Variants in TEC observed in about 807,000 individuals in gnomAD.
The protein encoded by TEC is tec protein tyrosine kinase.
Under a neutral mutation model 93.0 loss-of-function variants are expected in TEC, and 72 were observed. The ratio of observed to expected loss-of-function variants is 0.77; its 90% CI spans 0.64 to 0.94. The LOEUF (loss-of-function observed/expected upper bound fraction) is 0.94, where lower values mean the gene tolerates loss of function less well. Ranked by LOEUF, TEC falls within the 40% of genes least tolerant of loss-of-function variation. The pLI is 0.00. For missense variants in TEC, 630 were observed against 757.9 expected (o/e 0.83, Z 1.98); for synonymous variants, 249 against 247.7 (o/e 1.01, Z -0.05).
chr4:48,144,128 T>C (rs539772150), intron 14 of TEC, among the ~76,000 whole-genome samples: 9 of 152,176 alleles, frequency 5.9e-5, no homozygotes, highest in Non-Finnish European at 1.2e-4. Flanking sequence ...GGCAGGAGGA[T>C]CGCTTGAACC....
At chr4:48,149,792 C>T (rs1359617506) in intron 10 of TEC, 102 bp from the exon 11 acceptor site, 8 of 1,124,742 alleles carry the variant, frequency 7.1e-6, no homozygotes, top group Non-Finnish European at 9.6e-6. Flanking sequence ...TCCATATGAT[C>T]CCATCTATTC....
rs149746648 is a variant in TEC, at chr4:48,139,876, C to T, written c.1536-854G>A. Among the ~76,000 whole-genome samples the T allele has an allele frequency of 2.9e-3, 436 of 152,342 alleles. 4 individuals are homozygous for T. Among genetic ancestry groups the T allele is most frequent in the African/African-American group, 0.01 (417 of 41,574 alleles). On this transcript the variant is annotated intron_variant, in intron 15 of 17. Transcript: ENST00000381501. ...TGCTATGTAGACAAAGATGGTGACT[C>T]GGCACAAAGCCAGCTGCTGGCTGGC...
intron 8 of TEC, among the ~76,000 whole-genome samples, chr4:48,163,458 A>C (rs1720754618): frequency 6.6e-6 from 1 of 152,198 alleles, no homozygotes; most frequent in African/African-American, 2.4e-5. Flanking sequence ...AATCAATTCA[A>C]TTATGCTTAT....
chr4:48,214,655 C>T (rs1043939946), intron 2 of TEC, among the ~76,000 whole-genome samples: 1 of 151,926 alleles, frequency 6.6e-6, no homozygotes, highest in Admixed American at 6.6e-5. Context: ...ATTTTGAGAC[C>T]AGCCTAGGCA....
rs1719462074 is a variant in TEC, at chr4:48,137,239, G to A, written c.*177C>T. On this transcript the variant is annotated 3_prime_UTR_variant, in exon 18 of 18. Transcript: ENST00000381501. ...TTCTAAGGCAACATTTCCACACTCT[G>A]GGAGATTCTGTCTAGAAGCAAGTCT... The A allele has an allele frequency of 1.7e-6, 1 of 591,076 alleles. No individual in the cohort carries two copies. Among genetic ancestry groups the A allele is most frequent in the African/African-American group, 1.9e-5 (1 of 53,130 alleles). 36.6% of individuals were successfully genotyped at this position (591,076 alleles called of 1,614,324 possible).
At chr4:48,236,092 G>A (rs1396228853) in intron 1 of TEC, among the ~76,000 whole-genome samples, 5 of 152,126 alleles carry the variant, frequency 3.3e-5, no homozygotes, top group Non-Finnish European at 5.9e-5. Context: ...GATTTCAACA[G>A]AGATAGCCTA....
chr4:48,209,859 A>C (rs1722838687), intron 2 of TEC, among the ~76,000 whole-genome samples: 1 of 152,172 alleles, frequency 6.6e-6, no homozygotes, highest in Non-Finnish European at 1.5e-5. Context: ...ACATAAACCA[A>C]TTGTAAACAT....
chr4:48,185,692 G>A (rs1389378549), intron 2 of TEC, among the ~76,000 whole-genome samples: 3 of 152,090 alleles, frequency 2.0e-5, no homozygotes, highest in Non-Finnish European at 2.9e-5. Flanking sequence ...CATAAGCATG[G>A]CATAATTTTA....
At chr4:48,163,177 T>G (rs893956505) in intron 8 of TEC, among the ~76,000 whole-genome samples, 1 of 152,168 alleles carries the variant, frequency 6.6e-6, no homozygotes, top group Non-Finnish European at 1.5e-5. Context: ...CAGTAAATAT[T>G]TAATAAATTT....
At chr4:48,145,382 G>A (rs984973178) in intron 13 of TEC, 26 bp downstream of exon 13, 1 of 1,613,214 alleles carries the variant, frequency 6.2e-7, no homozygotes, top group African/African-American at 1.3e-5. Context: ...ACAAAAAGAT[G>A]AGCCAGAAAG....
At chr4:48,199,430 C>G (rs902458023) in intron 2 of TEC, among the ~76,000 whole-genome samples, 1 of 143,348 alleles carries the variant, frequency 7.0e-6, no homozygotes, top group East Asian at 2.1e-4. Flanking sequence ...GCACTCCAGT[C>G]TGGGCTACAG....
At chr4:48,264,965 C>T (rs1382851804) in intron 1 of TEC, among the ~76,000 whole-genome samples, 1 of 152,048 alleles carries the variant, frequency 6.6e-6, no homozygotes, top group Non-Finnish European at 1.5e-5. Flanking sequence ...TTTAATCCCC[C>T]TCTGAAGTGT....
At chr4:48,232,249 A>G (rs1475535750) in intron 1 of TEC, among the ~76,000 whole-genome samples, 2 of 152,114 alleles carry the variant, frequency 1.3e-5, no homozygotes, top group Non-Finnish European at 2.9e-5. Flanking sequence ...AGATCACGCC[A>G]TTGTGCTACA....
intron 2 of TEC, among the ~76,000 whole-genome samples, chr4:48,183,125 G>C (rs1343155663): frequency 6.6e-6 from 1 of 152,166 alleles, no homozygotes; most frequent in African/African-American, 2.4e-5. Context: ...ATGAGCTTTG[G>C]AGACAAGCAG....
chr4:48,209,060 G>A (rs1722807542), intron 2 of TEC, among the ~76,000 whole-genome samples: 2 of 152,026 alleles, frequency 1.3e-5, no homozygotes, highest in African/African-American at 4.8e-5. Flanking sequence ...AAGGTTACTG[G>A]GTAGATATAT....
intron 4 of TEC, 61 bp from the exon 5 acceptor site, chr4:48,170,437 T>C: frequency 5.3e-6 from 6 of 1,136,542 alleles, no homozygotes; most frequent in East Asian, 2.5e-5. Context: ...GAATGTTTCA[T>C]AAATAACAGT....
intron 1 of TEC, among the ~76,000 whole-genome samples, chr4:48,256,581 C>T (rs12501146): frequency 0.41 from 53,013 of 128,346 alleles, 11,007 homozygotes; most frequent in Non-Finnish European, 0.48. Context: ...GGCAACAGAG[C>T]GAGACCTTGT....
intron 2 of TEC, among the ~76,000 whole-genome samples, chr4:48,189,935 C>G (rs1263333011): frequency 6.6e-6 from 1 of 152,066 alleles, no homozygotes; most frequent in Non-Finnish European, 1.5e-5. Context: ...ACAGAAAGGA[C>G]TCCCACTTTG....
chr4:48,162,544 C>T (rs1720717620), intron 8 of TEC, among the ~76,000 whole-genome samples: 1 of 152,190 alleles, frequency 6.6e-6, no homozygotes, highest in Non-Finnish European at 1.5e-5. Context: ...AGCACCTTCC[C>T]TAATTCTAAG....
Sources: allele counts gnomAD v4.1 joint callset (sites outside exome capture counted in the v4.1 genomes callset), GRCh38; gene constraint gnomAD v4.1.1; transcripts MANE v1.5; gene names NCBI Gene and HGNC (gene_info 2026-07-23, HGNC 2026-07-21).